The following SLC41A2 variants were observed in gnomAD, a reference collection of about 807,000 sequenced individuals.
SLC41A2 encodes the protein SLC41A1-like 1.
Under a neutral mutation model 58.3 loss-of-function variants are expected in SLC41A2, and 32 were observed. The ratio of observed to expected loss-of-function variants is 0.55; its 90% CI spans 0.41 to 0.74. The LOEUF is 0.74. SLC41A2 is among the 30% of genes least tolerant of loss of function. SLC41A2 has a pLI of 0.00. For synonymous variants in SLC41A2, 190 were observed against 235.0 expected (o/e 0.81, Z 1.75); for missense variants, 514 against 680.6 (o/e 0.76, Z 2.72).
chr12:104,849,608 G>A (rs1486838859), intron 8 of SLC41A2, among the ~76,000 whole-genome samples: 3 of 152,120 alleles, frequency 2.0e-5, no homozygotes, highest in South Asian at 2.1e-4. Context: ...CAGGAGAATC[G>A]CTTGAGCCTA....
At chr12:104,857,871 G>A (rs1392000895) in intron 8 of SLC41A2, among the ~76,000 whole-genome samples, 4 of 104,828 alleles carry the variant, frequency 3.8e-5, no homozygotes, top group Non-Finnish European at 7.2e-5. Flanking sequence ...GGAGGGGGGA[G>A]GGATAGCATT....
intron 8 of SLC41A2, among the ~76,000 whole-genome samples, chr12:104,849,080 A>G (rs1334534529): frequency 2.0e-5 from 3 of 152,208 alleles, no homozygotes; most frequent in South Asian, 2.1e-4. Flanking sequence ...ATGATTAAAG[A>G]CCTCGTGCAA....
chr12:104,851,764 T>G (rs1197619642), intron 8 of SLC41A2: 3 of 152,182 alleles, frequency 2.0e-5, no homozygotes, highest in Non-Finnish European at 4.4e-5. Context: ...TAGAGGTGAC[T>G]ATCTTTTTTA....
intron 2 of SLC41A2, among the ~76,000 whole-genome samples, chr12:104,917,229 C>T (rs1320846799): frequency 6.6e-6 from 1 of 151,820 alleles, no homozygotes; most frequent in Non-Finnish European, 1.5e-5. Flanking sequence ...AAAAAATGCT[C>T]ACCATCACTG....
chr12:104,941,255 A>G (rs544193195), intron 1 of SLC41A2, among the ~76,000 whole-genome samples: 2 of 152,330 alleles, frequency 1.3e-5, no homozygotes, highest in East Asian at 3.9e-4. Flanking sequence ...TCCATAAAAC[A>G]ATTGCTCATT....
chr12:104,927,618 C>T (rs1041097568), intron 2 of SLC41A2, among the ~76,000 whole-genome samples: 1 of 151,516 alleles, frequency 6.6e-6, no homozygotes, highest in Non-Finnish European at 1.5e-5. Context: ...TATTTAATAC[C>T]CTCTAATGTT....
chr12:104,808,008 C>T (rs2040994992), intron 10 of SLC41A2, among the ~76,000 whole-genome samples: 1 of 152,210 alleles, frequency 6.6e-6, no homozygotes, highest in Non-Finnish European at 1.5e-5. Flanking sequence ...ATGTCATCTG[C>T]AAACAGGGAC....
Position 104,816,825 on chromosome 12 carries a change from A to T in SLC41A2, c.1537-11488T>A, listed in dbSNP as rs112912399. On this transcript the variant is annotated intron_variant, in intron 10 of 10. Transcript: ENST00000258538. ...AAATTGAGGACAGTTGTCCCTCGGT[A>T]TCCATAGGGGAGGATTGGTTGCAGG... Among the ~76,000 whole-genome samples the T allele has an allele frequency of 9.1e-3, 1,382 of 152,306 alleles. 12 individuals are homozygous for T. The highest frequency in any genetic ancestry group is 0.014 in the Admixed American group (214 of 15,294).
chr12:104,874,073 GTTT>G (rs529722018), intron 6 of SLC41A2, among the ~76,000 whole-genome samples: 1 of 117,622 alleles, frequency 8.5e-6, no homozygotes, highest in African/African-American at 3.3e-5. Flanking sequence ...GCCTGAGTTT[GTTT>G]TTTTTTTTTT....
At chr12:104,910,398 G>A (rs1212046627) in intron 2 of SLC41A2, among the ~76,000 whole-genome samples, 1 of 152,172 alleles carries the variant, frequency 6.6e-6, no homozygotes, top group Non-Finnish European at 1.5e-5. Context: ...TTGGCTTCAT[G>A]ATCCTGGATG....
At chr12:104,933,224 G>C (rs1392388334) in intron 1 of SLC41A2, among the ~76,000 whole-genome samples, 1 of 152,056 alleles carries the variant, frequency 6.6e-6, no homozygotes, top group Non-Finnish European at 1.5e-5. Context: ...CAAATGACAT[G>C]AATAGACACT....
intron 8 of SLC41A2, among the ~76,000 whole-genome samples, chr12:104,851,240 A>C (rs927403100): frequency 2.6e-5 from 4 of 152,224 alleles, no homozygotes; most frequent in African/African-American, 9.6e-5. Flanking sequence ...TCTTAATTAT[A>C]GATCCTGACA....
intron 8 of SLC41A2, among the ~76,000 whole-genome samples, chr12:104,860,528 T>C (rs2136419585): frequency 6.6e-6 from 1 of 152,246 alleles, no homozygotes; most frequent in South Asian, 2.1e-4. Flanking sequence ...ATTTCATAGA[T>C]AACAAAAAAA....
chr12:104,885,914 A>T (rs935849783), intron 6 of SLC41A2, among the ~76,000 whole-genome samples: 1 of 152,120 alleles, frequency 6.6e-6, no homozygotes, highest in African/African-American at 2.4e-5. Flanking sequence ...CTATACAGAG[A>T]ACACTGCAGG....
In SLC41A2 at chr12:104,958,145, G is replaced by C. The variant is rs1418948182; in HGVS notation, c.-225C>G. On this transcript the variant is annotated 5_prime_UTR_variant, in exon 1 of 11. Coordinates refer to ENST00000258538, the MANE Select transcript of SLC41A2 (RefSeq NM_001352171.3). Reference sequence around the variant, plus strand: ...TGTGAGAAGGGTCCCCGTCTCCTCAGACCAGACCGAGACACCAGGGGCGGG... The same window carrying C: ...TGTGAGAAGGGTCCCCGTCTCCTCACACCAGACCGAGACACCAGGGGCGGG... 2 of 152,352 alleles carry C rather than the reference G, an allele frequency of 1.3e-5. No homozygotes were observed. The highest frequency in any genetic ancestry group is 1.9e-4 in the East Asian group (1 of 5,196). 9.4% of individuals were successfully genotyped at this position (152,352 alleles called of 1,614,324 possible). A position where few individuals can be genotyped will look rare whatever the true frequency, so the allele number is the denominator to read the frequency against.
chr12:104,900,719 G>A lies in SLC41A2; in HGVS notation c.664-5374C>T, dbSNP rs182210083. ...TTCCATTTGTATCTAGCAATCAGGT[G>A]TATAACAAGAACATGGAGAATTATG... On this transcript the variant is annotated intron_variant, in intron 3 of 10. Transcript: ENST00000258538. Among the ~76,000 whole-genome samples the A allele has an allele frequency of 2.0e-5, 3 of 152,304 alleles. No homozygotes were observed. In the East Asian group the frequency reaches 5.8e-4, roughly 29 times the overall value.
chr12:104,933,513 G>C (rs1410252325), intron 1 of SLC41A2, among the ~76,000 whole-genome samples: 3 of 152,046 alleles, frequency 2.0e-5, no homozygotes, highest in African/African-American at 7.2e-5. Context: ...ATTCGATTCA[G>C]CAATCCCACT....
chr12:104,955,257 C>T (rs972092461), intron 1 of SLC41A2, among the ~76,000 whole-genome samples: 1 of 152,066 alleles, frequency 6.6e-6, no homozygotes, highest in African/African-American at 2.4e-5. Flanking sequence ...CTCAGGTGAT[C>T]TGCCCGCCTC....
intron 6 of SLC41A2, among the ~76,000 whole-genome samples, chr12:104,872,652 C>T (rs919568421): frequency 6.6e-6 from 1 of 152,056 alleles, no homozygotes; most frequent in African/African-American, 2.4e-5. Context: ...ACTGCTTGAG[C>T]CTGGGAGGCG....
Sources: gnomAD v4.1 joint callset for allele counts (sites outside exome capture counted in the v4.1 genomes callset) on GRCh38, gnomAD v4.1.1 for gene constraint, MANE v1.5 for transcripts, NCBI Gene and HGNC (gene_info 2026-07-23, HGNC 2026-07-21) for gene names.